The following SLC35F3 variants were observed in gnomAD, a reference collection of about 807,000 sequenced individuals.
SLC35F3 encodes the protein putative thiamine transporter SLC35F3.
Under a neutral mutation model 49.9 loss-of-function variants are expected in SLC35F3, and 25 were observed. The observed-to-expected ratio is 0.50, with a 90% CI of 0.37 to 0.70. The LOEUF (loss-of-function observed/expected upper bound fraction) is 0.70. Ranked by LOEUF, SLC35F3 falls within the 30% of genes least tolerant of loss-of-function variation. The probability of loss-of-function intolerance (pLI) is 0.00; values close to 1 mark genes in which losing one functional copy is unlikely to be tolerated. For missense variants in SLC35F3, 525 were observed against 639.8 expected (o/e 0.82, Z 1.94); for synonymous variants, 275 against 265.4 (o/e 1.04, Z -0.35).
chr1:233,942,660 C>T (rs770168169), intron 2 of SLC35F3, among the ~76,000 whole-genome samples: 40 of 152,142 alleles, frequency 2.6e-4, no homozygotes, highest in Admixed American at 4.6e-4. Flanking sequence ...GCAATCTGCC[C>T]GCCTTGGCCT....
At chr1:234,045,698 C>T (rs1323067195) in intron 2 of SLC35F3, among the ~76,000 whole-genome samples, 1 of 150,732 alleles carries the variant, frequency 6.6e-6, no homozygotes, top group South Asian at 2.1e-4. Context: ...TATTGTGCCA[C>T]GTTCATTTTA....
intron 2 of SLC35F3, among the ~76,000 whole-genome samples, chr1:234,131,952 G>A (rs753632476): frequency 2.6e-5 from 4 of 152,334 alleles, no homozygotes; most frequent in South Asian, 2.1e-4. Context: ...TCTAGACTAT[G>A]TATAAACTTC....
At chr1:234,188,237 CAA>C (rs112150679) in intron 2 of SLC35F3, among the ~76,000 whole-genome samples, 15 of 119,246 alleles carry the variant, frequency 1.3e-4, no homozygotes, top group Admixed American at 1.8e-4. Context: ...AACTCCGCCT[CAA>C]AAAAAAAAAA....
At chr1:234,193,579 C>T (rs113082213) in intron 2 of SLC35F3, among the ~76,000 whole-genome samples, 7,899 of 152,076 alleles carry the variant, frequency 0.052, 665 homozygotes, top group African/African-American at 0.18. Flanking sequence ...GCAACAAAAA[C>T]AAAAATAAAT....
chr1:234,125,737 T>G (rs1375122842), intron 2 of SLC35F3, among the ~76,000 whole-genome samples: 1 of 152,206 alleles, frequency 6.6e-6, no homozygotes, highest in East Asian at 1.9e-4. Context: ...AGAGAAATTT[T>G]TCATCCTCTG....
intron 2 of SLC35F3, among the ~76,000 whole-genome samples, chr1:233,968,078 C>T (rs1469757053): frequency 6.6e-6 from 1 of 152,202 alleles, no homozygotes; most frequent in Non-Finnish European, 1.5e-5. Flanking sequence ...TGGGTTCCTT[C>T]TAAGAGCTGT....
chr1:234,051,069 C>T (rs914705537), intron 2 of SLC35F3, among the ~76,000 whole-genome samples: 2 of 152,066 alleles, frequency 1.3e-5, no homozygotes, highest in Admixed American at 6.5e-5. Context: ...AGTCAGGTAG[C>T]GTGATGCCTC....
intron 2 of SLC35F3, among the ~76,000 whole-genome samples, chr1:234,198,633 T>A (rs1023731953): frequency 2.0e-5 from 3 of 152,136 alleles, no homozygotes; most frequent in African/African-American, 7.2e-5. Flanking sequence ...ATTAGTTTTG[T>A]TCATCAACAA....
At chr1:233,997,672 A>G (rs536387802) in intron 2 of SLC35F3, among the ~76,000 whole-genome samples, 1 of 152,068 alleles carries the variant, frequency 6.6e-6, no homozygotes, top group Non-Finnish European at 1.5e-5. Flanking sequence ...TTTCTTTTCT[A>G]TGCTCTTTCA....
At chr1:234,168,947 G>A (rs535538849) in intron 2 of SLC35F3, among the ~76,000 whole-genome samples, 4 of 152,294 alleles carry the variant, frequency 2.6e-5, no homozygotes, top group African/African-American at 7.2e-5. Context: ...TATGGAGGCC[G>A]AGAAAGCCAA....
chr1:234,072,812 A>G (rs928731717), intron 2 of SLC35F3, among the ~76,000 whole-genome samples: 3 of 152,170 alleles, frequency 2.0e-5, no homozygotes, highest in African/African-American at 7.2e-5. Context: ...TCCCCATCAC[A>G]CCAGGCCTCA....
At chr1:234,287,186 G>T (rs1423669022) in intron 3 of SLC35F3, among the ~76,000 whole-genome samples, 1 of 151,966 alleles carries the variant, frequency 6.6e-6, no homozygotes, top group Non-Finnish European at 1.5e-5. Context: ...GCAACAGAGT[G>T]AGACCCTAAA....
intron 2 of SLC35F3, among the ~76,000 whole-genome samples, chr1:234,136,944 T>C (rs190602985): frequency 1.5e-4 from 23 of 152,358 alleles, no homozygotes; most frequent in Non-Finnish European, 2.8e-4. Context: ...AGGGTTCCTT[T>C]TGTGAACCTT....
chr1:234,197,906 A>T (rs1158429360), intron 2 of SLC35F3, among the ~76,000 whole-genome samples: 1 of 152,258 alleles, frequency 6.6e-6, no homozygotes, highest in Admixed American at 6.5e-5. Flanking sequence ...CACCTGAACA[A>T]CACCTACATT....
intron 3 of SLC35F3, among the ~76,000 whole-genome samples, chr1:234,268,290 C>CA (rs1431533699): frequency 2.4e-4 from 36 of 150,170 alleles, no homozygotes; most frequent in Non-Finnish European, 2.8e-4. Flanking sequence ...CCGTCTCCAC[C>CA]AAAAAAAAAC....
intron 2 of SLC35F3, among the ~76,000 whole-genome samples, chr1:234,142,671 G>A (rs998603572): frequency 3.3e-5 from 5 of 151,772 alleles, no homozygotes; most frequent in East Asian, 1.9e-4. Context: ...AAAAAAAAAC[G>A]CATGATGTGT....
chr1:234,098,908 TTGG>T (rs1435939203), intron 2 of SLC35F3, among the ~76,000 whole-genome samples: 21 of 141,548 alleles, frequency 1.5e-4, no homozygotes, highest in African/African-American at 4.7e-4. Flanking sequence ...GGTGACTGTG[TTGG>T]TGGTGGTGGC....
chr1:234,116,593 C>A (rs1030445004), intron 2 of SLC35F3, among the ~76,000 whole-genome samples: 2 of 151,614 alleles, frequency 1.3e-5, no homozygotes, highest in Non-Finnish European at 2.9e-5. Context: ...CTCACTGCAA[C>A]CTCCGTCTCC....
intron 2 of SLC35F3, among the ~76,000 whole-genome samples, chr1:234,050,620 G>A (rs1375722838): frequency 3.3e-5 from 5 of 152,160 alleles, no homozygotes; most frequent in Non-Finnish European, 5.9e-5. Flanking sequence ...TTCTTTTGCT[G>A]TGCAGAAGCT....
Sources: allele counts gnomAD v4.1 joint callset (sites outside exome capture counted in the v4.1 genomes callset), GRCh38; gene constraint gnomAD v4.1.1; transcripts MANE v1.5; gene names NCBI Gene and HGNC (gene_info 2026-07-23, HGNC 2026-07-21).